The following SRGAP3 variants were observed in gnomAD, a reference collection of about 807,000 sequenced individuals.
SRGAP3 encodes the protein SLIT-ROBO Rho GTPase activating protein 3.
In SRGAP3, 39 loss-of-function variants were observed where a neutral mutation model predicts 121.1. That is an observed-to-expected ratio of 0.32 (90% CI 0.25 to 0.42). SRGAP3 has a LOEUF of 0.42. Ranked by LOEUF, SRGAP3 falls within the 10% of genes least tolerant of loss-of-function variation. The probability of loss-of-function intolerance (pLI) is 1.00; values close to 1 mark genes in which losing one functional copy is unlikely to be tolerated. For synonymous variants in SRGAP3, 601 were observed against 570.0 expected, an observed-to-expected ratio of 1.05 and a Z score of -0.77; for missense variants, 1,213 against 1,470.6, an observed-to-expected ratio of 0.82 and a Z score of 2.86.
At position 8,985,591 on chromosome 3, in the gene SRGAP3, C is replaced by G; in HGVS notation, c.3228G>C (p.Val1076=). 4.4e-6 allele frequency: 7 copies of G among 1,597,456 alleles called. No homozygotes were observed. The highest frequency in any genetic ancestry group is 5.9e-6 in the Non-Finnish European group (7 of 1,179,066). ...HRSSSSSSSG[V]GSPAVTPTEK... is the part of the protein sequence containing the mutation. ...CGGTGGGCGTCACGGCCGGGCTGCC[C>G]ACGCCCGAGCTGCTGCTGCTGCTGG... The change falls in exon 22 of 22, where the codon GTG becomes GTC. Residue 1076 remains valine, a synonymous_variant. Coordinates refer to ENST00000383836, the MANE Select transcript of SRGAP3 (RefSeq NM_014850.4). The surrounding 1 kb of genome is among the most constrained non-coding windows in gnomAD (Gnocchi z 5.1).
intron 1 of SRGAP3, among the ~76,000 whole-genome samples, chr3:9,201,735 A>G (rs1952073541): frequency 6.6e-6 from 1 of 152,234 alleles, no homozygotes; most frequent in South Asian, 2.1e-4. Flanking sequence ...AAGTGCATGT[A>G]ACACTCAAGG....
chr3:9,184,847 G>A (rs1951546773), intron 1 of SRGAP3, among the ~76,000 whole-genome samples: 1 of 152,008 alleles, frequency 6.6e-6, no homozygotes, highest in Admixed American at 6.5e-5. Context: ...TCCCTTTCAG[G>A]TATAAATCAG....
At chr3:9,261,230 T>G (rs1026635721) in intron 3 of SRGAP3, among the ~76,000 whole-genome samples, 10 of 152,066 alleles carry the variant, frequency 6.6e-5, no homozygotes, top group African/African-American at 2.4e-4. Context: ...GATAAAGCCA[T>G]GAAGATGAGG....
chr3:8,993,053 T>A lies in SRGAP3; in HGVS notation c.2411A>T (p.Asp804Val). The stretch of plus-strand genomic sequence containing the variant: ...GCTCAGGCTGTCGGAGAAGGCATCA[T>A]CCCTGGGGAGAAGACAGACATGAAT... ...PHQYIVVQDM[D>V]DAFSDSLSQK... Residue 804 changes from aspartate (D) to valine (V), a missense_variant and splice_region_variant, in exon 20 of 22, where the codon GAT (aspartate) becomes GTT (valine). By Grantham distance (152) the Asp-to-Val change is radical. Transcript: ENST00000383836. 6.2e-7 allele frequency: 1 copy of A among 1,613,972 alleles called. No individual in the cohort carries two copies. The highest frequency in any genetic ancestry group is 8.5e-7 in the Non-Finnish European group (1 of 1,180,030).
At chr3:9,079,204 C>T (rs188563993) in intron 4 of SRGAP3, among the ~76,000 whole-genome samples, 4 of 152,306 alleles carry the variant, frequency 2.6e-5, no homozygotes, top group Admixed American at 6.5e-5. Flanking sequence ...CTATATAGGG[C>T]ACCTATCTAT....
intron 2 of SRGAP3, among the ~76,000 whole-genome samples, chr3:9,114,616 T>C (rs1415498410): frequency 6.6e-6 from 1 of 152,200 alleles, no homozygotes; most frequent in African/African-American, 2.4e-5. Flanking sequence ...GCAGCACCTC[T>C]GAGCTCCCCT....
At chr3:9,260,302 C>T (rs569517966) in intron 3 of SRGAP3, among the ~76,000 whole-genome samples, 9 of 152,180 alleles carry the variant, frequency 5.9e-5, no homozygotes, top group African/African-American at 1.9e-4. Flanking sequence ...GAGATAGAAC[C>T]GTTCACTCCC....
chr3:9,329,911 C>T (rs1480364582), intron 2 of SRGAP3, among the ~76,000 whole-genome samples: 1 of 152,182 alleles, frequency 6.6e-6, no homozygotes, highest in African/African-American at 2.4e-5. Context: ...CAGTGCCAAA[C>T]CCGTTCTTAG....
intron 9 of SRGAP3, among the ~76,000 whole-genome samples, chr3:9,050,808 A>G (rs896150943): frequency 6.6e-6 from 1 of 152,222 alleles, no homozygotes; most frequent in African/African-American, 2.4e-5. Context: ...GGTGAATACC[A>G]GCAATCAGCG....
chr3:8,994,269 C>G (rs1033761805), intron 19 of SRGAP3, 74 bp downstream of exon 19: 1 of 1,592,604 alleles, frequency 6.3e-7, no homozygotes, highest in Non-Finnish European at 8.6e-7. Context: ...CAAGCTAGCA[C>G]TCCCCTACGG....
At chr3:9,280,522 A>G (rs1466881215) in intron 3 of SRGAP3, among the ~76,000 whole-genome samples, 2 of 152,244 alleles carry the variant, frequency 1.3e-5, no homozygotes, top group African/African-American at 4.8e-5. Flanking sequence ...TCCGTCATAA[A>G]TAACCAGCTG....
rs544327829 is a variant in SRGAP3 at position 9,302,450 on chromosome 3, A to T, written n.442+23560T>A. Reference sequence around the variant, plus strand: ...CTGCCCAGCTGCAGCCAGGCATGACATGGTGTCTGCAAGGAAGGGGCTCAG... The same window carrying T: ...CTGCCCAGCTGCAGCCAGGCATGACTTGGTGTCTGCAAGGAAGGGGCTCAG... On this transcript the variant is annotated intron_variant and non_coding_transcript_variant, in intron 3 of 3. Coordinates refer to the SRGAP3 transcript ENST00000490889. Among the ~76,000 whole-genome samples, 490 of 152,246 alleles carry T rather than the reference A, an allele frequency of 3.2e-3. 11 individuals carry two copies. The highest frequency in any genetic ancestry group is 5.7e-4 in the Non-Finnish European group (39 of 68,028).
chr3:9,111,609 G>A (rs1485410398), intron 2 of SRGAP3, among the ~76,000 whole-genome samples: 1 of 152,172 alleles, frequency 6.6e-6, no homozygotes, highest in Non-Finnish European at 1.5e-5. Context: ...GAGGAAGCAC[G>A]AGGGCCGCAG....
At chr3:8,999,913 A>G (rs1265995347) in intron 18 of SRGAP3, among the ~76,000 whole-genome samples, 2 of 152,244 alleles carry the variant, frequency 1.3e-5, no homozygotes, top group African/African-American at 4.8e-5. Flanking sequence ...AGCCCCTGGA[A>G]ATGGTCCTAA....
At chr3:9,003,456 G>A (rs2662094) in intron 18 of SRGAP3, among the ~76,000 whole-genome samples, 1,697 of 150,056 alleles carry the variant, frequency 0.011, 17 homozygotes, top group Middle Eastern at 0.02. Context: ...TACAGCCTGG[G>A]TGACAGAGTG....
intron 10 of SRGAP3, among the ~76,000 whole-genome samples, chr3:9,040,217 G>T (rs1270532772): frequency 6.6e-6 from 1 of 152,172 alleles, no homozygotes; most frequent in Non-Finnish European, 1.5e-5. Context: ...CTGTAAATCA[G>T]ATCATGTCCT....
intron 18 of SRGAP3, among the ~76,000 whole-genome samples, chr3:9,003,479 A>AAAACAAACAAACAAACAAAC (rs149943964): frequency 6.7e-5 from 10 of 149,914 alleles, no homozygotes; most frequent in African/African-American, 2.0e-4. Flanking sequence ...ATTCCATCTC[A>AAAACAAACAAACAAACAAAC]AAACAAACAA....
At chr3:9,084,711 TTTG>T (rs1210566594) in intron 3 of SRGAP3, among the ~76,000 whole-genome samples, 1 of 152,216 alleles carries the variant, frequency 6.6e-6, no homozygotes, top group Non-Finnish European at 1.5e-5. Flanking sequence ...CCAGATTCAC[TTTG>T]TTAAGAGGCA....
chr3:9,203,667 G>T (rs1044656930), intron 1 of SRGAP3, among the ~76,000 whole-genome samples: 3 of 152,174 alleles, frequency 2.0e-5, no homozygotes, highest in Admixed American at 6.5e-5. Flanking sequence ...AGCTATAAGG[G>T]GATGGAATGT....
Sources: allele counts gnomAD v4.1 joint callset (sites outside exome capture counted in the v4.1 genomes callset), GRCh38; gene constraint gnomAD v4.1.1; non-coding constraint Gnocchi (gnomAD v3.1); transcripts MANE v1.5; gene names NCBI Gene and HGNC (gene_info 2026-07-23, HGNC 2026-07-21).